NEBL: variants seen among roughly 807,000 people sequenced by gnomAD.
The protein encoded by NEBL is nebulette.
NEBL carries 122 observed loss-of-function variants against 140.2 expected under a neutral mutation model. That is an observed-to-expected ratio of 0.87 (90% CI 0.75 to 1.01). The LOEUF is 1.01. Among genes scored for constraint, NEBL ranks in the 50% least tolerant of loss-of-function variants. The probability of loss-of-function intolerance (pLI) is 0.00; values close to 1 mark genes in which losing one functional copy is unlikely to be tolerated. For missense variants in NEBL, 1,365 were observed against 1,231.3 expected (o/e 1.11, Z -1.62); for synonymous variants, 436 against 398.9 (o/e 1.09, Z -1.11).
intron 2 of NEBL, among the ~76,000 whole-genome samples, chr10:21,027,450 C>T (rs772558800): frequency 1.4e-4 from 22 of 151,906 alleles, no homozygotes; most frequent in Non-Finnish European, 2.5e-4. Flanking sequence ...ATCTCAGCCT[C>T]CTGAGTAGCT....
chr10:21,060,775 A>C (rs953799269), intron 2 of NEBL, among the ~76,000 whole-genome samples: 2 of 151,496 alleles, frequency 1.3e-5, no homozygotes, highest in East Asian at 3.9e-4. Flanking sequence ...GAAACGACTC[A>C]CTCCAAGGGT....
chr10:21,001,579 T>A (rs758112418), intron 3 of NEBL, among the ~76,000 whole-genome samples: 13 of 151,784 alleles, frequency 8.6e-5, no homozygotes, highest in Non-Finnish European at 1.8e-4. Flanking sequence ...AATCCACAGG[T>A]GAACTTATTG....
chr10:20,787,143 C>G (rs1835478918), intron 27 of NEBL, 59 bp downstream of exon 27: 1 of 1,262,630 alleles, frequency 7.9e-7, no homozygotes, highest in Non-Finnish European at 1.1e-6. Context: ...CATGTATTTA[C>G]ATGCTTGAGG....
chr10:21,129,132 C>A (rs1434823304), intron 2 of NEBL, among the ~76,000 whole-genome samples: 1 of 152,026 alleles, frequency 6.6e-6, no homozygotes, highest in Non-Finnish European at 1.5e-5. Flanking sequence ...TGCCAATACA[C>A]CTGCCTTGCA....
intron 3 of NEBL, among the ~76,000 whole-genome samples, chr10:21,198,020 C>T (rs1841678309): frequency 6.6e-6 from 1 of 152,008 alleles, no homozygotes; most frequent in Non-Finnish European, 1.5e-5. Flanking sequence ...AATCATGAAA[C>T]TCTGTCTCTG....
intron 4 of NEBL, among the ~76,000 whole-genome samples, chr10:20,884,472 C>T (rs1179363181): frequency 6.6e-6 from 1 of 152,220 alleles, no homozygotes; most frequent in East Asian, 1.9e-4. Flanking sequence ...TTAAAGTTTA[C>T]TGGCCAAGGA....
intron 2 of NEBL, among the ~76,000 whole-genome samples, chr10:21,085,462 C>CAACA (rs1403408821): frequency 6.6e-6 from 1 of 152,114 alleles, no homozygotes; most frequent in African/African-American, 2.4e-5. Context: ...TCTCTACAAA[C>CAACA]AACAAACAAA....
intron 2 of NEBL, among the ~76,000 whole-genome samples, chr10:21,089,574 C>T (rs901766893): frequency 4.6e-5 from 7 of 151,954 alleles, no homozygotes; most frequent in African/African-American, 1.7e-4. Flanking sequence ...GACGGGGAGC[C>T]ACTGAATTCA....
intron 4 of NEBL, among the ~76,000 whole-genome samples, chr10:20,938,746 A>T (rs2131558324): frequency 6.6e-6 from 1 of 152,306 alleles, no homozygotes; most frequent in East Asian, 1.9e-4. Context: ...TCCTCAAAGG[A>T]CCTGATGGAG....
chr10:21,198,519 A>G (rs1274351091), intron 3 of NEBL, among the ~76,000 whole-genome samples: 1 of 152,208 alleles, frequency 6.6e-6, no homozygotes, highest in Non-Finnish European at 1.5e-5. Context: ...TGTGGAATGT[A>G]GGTTTAGGCA....
At chr10:21,193,086 G>A (rs544235463) in intron 3 of NEBL, among the ~76,000 whole-genome samples, 24 of 152,252 alleles carry the variant, frequency 1.6e-4, no homozygotes, top group Middle Eastern at 6.8e-3. Context: ...AGGGAAGAGC[G>A]TGTTCAAATG....
At chr10:20,853,544 A>G (rs1842748485) in intron 9 of NEBL, among the ~76,000 whole-genome samples, 1 of 152,224 alleles carries the variant, frequency 6.6e-6, no homozygotes, top group Admixed American at 6.5e-5. Flanking sequence ...ATGTTAAGTG[A>G]AATAAGCCAG....
chr10:20,915,277 T>C (rs1758924224), intron 4 of NEBL, among the ~76,000 whole-genome samples: 1 of 152,106 alleles, frequency 6.6e-6, no homozygotes, highest in South Asian at 2.1e-4. Context: ...TATTATACTT[T>C]AAGTTTTAGG....
chr10:21,145,086 C>A (rs1414958336), intron 2 of NEBL, among the ~76,000 whole-genome samples: 1 of 151,902 alleles, frequency 6.6e-6, no homozygotes. Flanking sequence ...AAAAATAACA[C>A]AACCATTAGA....
intron 2 of NEBL, among the ~76,000 whole-genome samples, chr10:21,032,353 G>A (rs2131808130): frequency 6.6e-6 from 1 of 152,264 alleles, no homozygotes; most frequent in East Asian, 1.9e-4. Context: ...ATCAGCCAAA[G>A]GCATAATTAT....
chr10:20,969,343 A>C (rs1836463583), intron 3 of NEBL, among the ~76,000 whole-genome samples: 1 of 151,876 alleles, frequency 6.6e-6, no homozygotes, highest in South Asian at 2.1e-4. Flanking sequence ...AATCATGTCC[A>C]TAGATTTCTA....
At chr10:21,089,384 C>T (rs1395210666) in intron 2 of NEBL, among the ~76,000 whole-genome samples, 1 of 152,108 alleles carries the variant, frequency 6.6e-6, no homozygotes, top group Non-Finnish European at 1.5e-5. Context: ...AAGTCCTGGA[C>T]TCCAAGACTG....
intron 2 of NEBL, among the ~76,000 whole-genome samples, chr10:21,102,925 C>T (rs59267074): frequency 0.11 from 16,011 of 151,910 alleles, 901 homozygotes; most frequent in South Asian, 0.15. Flanking sequence ...ACCTATCAAC[C>T]CATCACCTAG....
At chr10:21,100,311 C>T (rs904399734) in intron 2 of NEBL, among the ~76,000 whole-genome samples, 3 of 152,226 alleles carry the variant, frequency 2.0e-5, no homozygotes, top group Non-Finnish European at 4.4e-5. Flanking sequence ...TCTTTCATCC[C>T]ACTTGCCTTT....
Sources: gnomAD v4.1 joint callset for allele counts (sites outside exome capture counted in the v4.1 genomes callset) on GRCh38, gnomAD v4.1.1 for gene constraint, MANE v1.5 for transcripts, NCBI Gene and HGNC (gene_info 2026-07-23, HGNC 2026-07-21) for gene names.